UBE2H: variants seen among roughly 807,000 people sequenced by gnomAD.
UBE2H encodes the protein ubiquitin conjugating enzyme E2 H, also known as ubiquitin-conjugating enzyme E2 H.
Under a neutral mutation model 29.0 loss-of-function variants are expected in UBE2H, and 3 were observed. That is an observed-to-expected ratio of 0.10 (90% CI 0.05 to 0.27). The LOEUF (loss-of-function observed/expected upper bound fraction) is 0.27. UBE2H is among the 10% of genes least tolerant of loss of function. The pLI, the probability that UBE2H is intolerant of heterozygous loss-of-function variation, is 1.00. For missense variants in UBE2H, 68 were observed against 228.2 expected, an observed-to-expected ratio of 0.30 and a Z score of 4.52; for synonymous variants, 69 against 82.9, an observed-to-expected ratio of 0.83 and a Z score of 0.91.
intron 3 of UBE2H, among the ~76,000 whole-genome samples, chr7:129,863,406 C>G (rs1268613589): frequency 6.6e-6 from 1 of 152,172 alleles, no homozygotes; most frequent in Non-Finnish European, 1.5e-5. Flanking sequence ...CTTGTGGGGT[C>G]TGTTTCTTTA....
chr7:129,883,112 A>G lies in UBE2H; in HGVS notation c.54-2141T>C, dbSNP rs568350946. 5.3e-5 allele frequency among the ~76,000 whole-genome samples: 8 copies of G among 152,374 alleles called. No homozygotes were observed. The South Asian group carries it at 1.7e-3, about 32-fold the overall frequency. ...AAGAAGTTTAAAAAGATATTTCTTC[A>G]CTATAAACAATGAAAACAACGAAAG... On this transcript the variant is annotated intron_variant, in intron 1 of 6. Transcript: ENST00000355621.
intron 5 of UBE2H, among the ~76,000 whole-genome samples, chr7:129,852,203 A>T (rs1805622782): frequency 6.6e-6 from 1 of 152,254 alleles, no homozygotes; most frequent in Non-Finnish European, 1.5e-5. Context: ...AGCATAAAGC[A>T]TTATTTTAAG....
intron 1 of UBE2H, among the ~76,000 whole-genome samples, chr7:129,923,666 T>C (rs962806478): frequency 1.3e-5 from 2 of 152,212 alleles, no homozygotes; most frequent in African/African-American, 2.4e-5. Flanking sequence ...CTGAAACCTA[T>C]TGTTCATAAT....
intron 1 of UBE2H, among the ~76,000 whole-genome samples, chr7:129,898,993 C>G (rs1363424249): frequency 6.6e-6 from 1 of 152,172 alleles, no homozygotes; most frequent in Non-Finnish European, 1.5e-5. Flanking sequence ...ACAAACTGTT[C>G]TGTAAATACC....
At chr7:129,911,096 G>A (rs569203744) in intron 1 of UBE2H, among the ~76,000 whole-genome samples, 13 of 152,190 alleles carry the variant, frequency 8.5e-5, no homozygotes, top group African/African-American at 3.1e-4. Flanking sequence ...CAGGCATGGT[G>A]ACTCATGCCT....
chr7:129,878,858 C>CAAAAAA (rs11405982), intron 3 of UBE2H, among the ~76,000 whole-genome samples: 2 of 144,740 alleles, frequency 1.4e-5, no homozygotes, highest in Non-Finnish European at 1.5e-5. Flanking sequence ...TAAAGTGAAG[C>CAAAAAA]AAAAAAAAAA....
intron 1 of UBE2H, among the ~76,000 whole-genome samples, chr7:129,941,119 T>A (rs181371202): frequency 6.6e-6 from 1 of 152,142 alleles, no homozygotes; most frequent in African/African-American, 2.4e-5. Context: ...CACGCCCGGC[T>A]AATTTTTTGT....
chr7:129,834,813 T>C lies in UBE2H; in HGVS notation c.*124A>G, dbSNP rs1805292579. The C allele has an allele frequency of 1.9e-6, 2 of 1,058,280 alleles. No individual in the cohort carries two copies. Among genetic ancestry groups the C allele is most frequent in the East Asian group, 5.3e-5 (2 of 37,640 alleles). 65.6% of individuals were successfully genotyped at this position (1,058,280 alleles called of 1,614,324 possible). On this transcript the variant is annotated 3_prime_UTR_variant, in exon 7 of 7. Transcript: ENST00000355621. ...GTGATATATAATATATATATATCAA[T>C]GCTATTATTCATAAAAACCTTGTTT...
chr7:129,855,892 G>A (rs1305887539), intron 5 of UBE2H, among the ~76,000 whole-genome samples: 1 of 152,052 alleles, frequency 6.6e-6, no homozygotes, highest in Non-Finnish European at 1.5e-5. Context: ...GTGCAACTCT[G>A]TTTCTATGTA....
chr7:129,932,235 T>C (rs1485515676), intron 1 of UBE2H, among the ~76,000 whole-genome samples: 1 of 149,992 alleles, frequency 6.7e-6, no homozygotes, highest in Non-Finnish European at 1.5e-5. Flanking sequence ...ACCATTCTCC[T>C]GCCTCAGCCC....
At chr7:129,945,033 G>C (rs1807735423) in intron 1 of UBE2H, among the ~76,000 whole-genome samples, 3 of 152,148 alleles carry the variant, frequency 2.0e-5, no homozygotes, top group Admixed American at 2.0e-4. Context: ...AGTATGTACT[G>C]AATGATTCCG....
chr7:129,886,769 A>ATTTTTTTGGT (rs1563034479), intron 1 of UBE2H, among the ~76,000 whole-genome samples: 963 of 86,834 alleles, frequency 0.011, 41 homozygotes, highest in African/African-American at 0.036. Flanking sequence ...TTTTTTGGTA[A>ATTTTTTTGGT]AAAAAAAAAA....
At chr7:129,903,709 C>T (rs1011737409) in intron 1 of UBE2H, among the ~76,000 whole-genome samples, 3 of 151,984 alleles carry the variant, frequency 2.0e-5, no homozygotes, top group African/African-American at 7.2e-5. Context: ...GACTAGCCTA[C>T]GCAACAAAGC....
chr7:129,846,688 A>G (rs1215088173), intron 5 of UBE2H, among the ~76,000 whole-genome samples: 26 of 152,174 alleles, frequency 1.7e-4, no homozygotes, highest in Admixed American at 1.7e-3. Context: ...GTCATTTTGG[A>G]GACTTTTACC....
At chr7:129,875,132 A>G (rs1806121469) in intron 3 of UBE2H, among the ~76,000 whole-genome samples, 1 of 152,226 alleles carries the variant, frequency 6.6e-6, no homozygotes, top group African/African-American at 2.4e-5. Flanking sequence ...GATTAAAAAT[A>G]TTTACTTTTA....
chr7:129,896,752 T>C (rs897780848), intron 1 of UBE2H, among the ~76,000 whole-genome samples: 2 of 152,162 alleles, frequency 1.3e-5, no homozygotes, highest in Non-Finnish European at 2.9e-5. Flanking sequence ...TAACTTGACA[T>C]ATAGACTGCA....
intron 3 of UBE2H, among the ~76,000 whole-genome samples, chr7:129,867,834 C>G (rs1213538997): frequency 2.1e-5 from 3 of 145,460 alleles, no homozygotes; most frequent in African/African-American, 7.7e-5. Flanking sequence ...AACAAGCACA[C>G]ACACACTAAA....
At chr7:129,839,123 A>G in intron 6 of UBE2H, 84 bp downstream of exon 6, 2 of 1,552,412 alleles carry the variant, frequency 1.3e-6, no homozygotes, top group South Asian at 1.2e-5. Context: ...TTAGGAACTA[A>G]GTAATTTAAG....
intron 1 of UBE2H, among the ~76,000 whole-genome samples, chr7:129,902,450 G>A (rs1396947840): frequency 6.6e-6 from 1 of 152,192 alleles, no homozygotes; most frequent in South Asian, 2.1e-4. Flanking sequence ...GCAGTGAGCC[G>A]AGATGCACCA....
Sources: allele counts gnomAD v4.1 joint callset (sites outside exome capture counted in the v4.1 genomes callset), GRCh38; gene constraint gnomAD v4.1.1; transcripts MANE v1.5; gene names NCBI Gene and HGNC (gene_info 2026-07-23, HGNC 2026-07-21).